The following GRID2IP variants were observed in gnomAD, a reference collection of about 807,000 sequenced individuals.
GRID2IP encodes Grid2 interacting protein, also known as delphilin.
Under a neutral mutation model 114.3 loss-of-function variants are expected in GRID2IP, and 78 were observed. That is an observed-to-expected ratio of 0.68 (90% CI 0.57 to 0.82). GRID2IP has a LOEUF of 0.82. GRID2IP is among the 40% of genes least tolerant of loss of function. The pLI is 0.00. For missense variants in GRID2IP, 1,727 were observed against 1,678.5 expected (o/e 1.03, Z -0.51); for synonymous variants, 809 against 724.0 (o/e 1.12, Z -1.89).
intron 8 of GRID2IP, 107 bp from the exon 9 acceptor site, chr7:6,511,146 C>A: frequency 7.9e-7 from 1 of 1,263,600 alleles, no homozygotes; most frequent in Non-Finnish European, 1.0e-6. Context: ...ATATGCAGAC[C>A]CCAAGCTACG....
rs749451543 is a variant in GRID2IP, at chr7:6,502,129, C to G, written c.3151-11G>C. 1 of 1,550,896 alleles carries G rather than the reference C, an allele frequency of 6.4e-7. No homozygotes were observed. Among genetic ancestry groups the G allele is most frequent in the East Asian group, 2.4e-5 (1 of 40,912 alleles). Reference sequence around the variant, plus strand: ...CTTGGTGGAGTTCAGCTGCAAGTGACCCCCAATATACATTCCCGTCAAGGA... The same window carrying G: ...CTTGGTGGAGTTCAGCTGCAAGTGAGCCCCAATATACATTCCCGTCAAGGA... On this transcript the variant is annotated splice_polypyrimidine_tract_variant and intron_variant, in intron 18 of 21. Coordinates refer to ENST00000457091, the MANE Select transcript of GRID2IP (RefSeq NM_001145118.2).
Position 6,520,736 on chromosome 7 carries a change from G to A in GRID2IP, c.1110C>T (p.Asn370=). Residue 370 remains asparagine (N), a synonymous_variant, in exon 7 of 22, where the codon AAC becomes AAT. Coordinates refer to ENST00000457091, the MANE Select transcript of GRID2IP (RefSeq NM_001145118.2). This position sits in a 1 kb window ranked among gnomAD's most constrained non-coding sequence, Gnocchi z 4.6. ...ASDSDSLDSP[N]PSSALTSLQW... ...GCAGGGAGGTGAGCGCCGACGACGG[G>A]TTGGGTGAGTCCAGAGAATCGGAGT... The A allele has an allele frequency of 6.4e-7, 1 of 1,551,520 alleles. No individual in the cohort carries two copies. Among genetic ancestry groups the A allele is most frequent in the East Asian group, 2.4e-5 (1 of 40,908 alleles).
Position 6,508,469 on chromosome 7 carries a change from T to C in GRID2IP, c.2128-68A>G. On this transcript the variant is annotated intron_variant, in intron 12 of 21. Transcript: ENST00000457091. The surrounding 1 kb of genome is among the most constrained non-coding windows in gnomAD (Gnocchi z 5.6). The stretch of plus-strand genomic sequence containing the variant: ...CAGAGAGACTAGAGCAGGTGCAAAG[T>C]GAAGGATCATGGGATAGCCTGGGAC... The C allele has an allele frequency of 1.3e-6, 2 of 1,543,706 alleles. No homozygotes were observed. The highest frequency in any genetic ancestry group is 8.7e-7 in the Non-Finnish European group (1 of 1,144,210).
chr7:6,502,806 T>G lies in GRID2IP; in HGVS notation c.3130A>C (p.Lys1044Gln), dbSNP rs1196065918. 6.4e-7 allele frequency: 1 copy of G among 1,551,844 alleles called. No individual in the cohort carries two copies. Among genetic ancestry groups the G allele is most frequent in the Non-Finnish European group, 8.7e-7 (1 of 1,146,920 alleles). The change falls in exon 18 of 22, where the codon AAG becomes CAG. Residue 1044 changes from lysine to glutamine, a missense_variant. Transcript: ENST00000457091. ...CTCACCTCTGTCAGAAAGTTGATCT[T>G]GAAGCCCGTAGTCTTGTTGGTTTTG... ...QPKTNKTTGFKINFLTELNST... is the reference protein window; with the variant it reads ...QPKTNKTTGFQINFLTELNST...
intron 18 of GRID2IP, 41 bp from the exon 19 acceptor site, chr7:6,502,159 A>G: frequency 6.5e-7 from 1 of 1,542,614 alleles, no homozygotes; most frequent in South Asian, 1.2e-5. Flanking sequence ...CAAGGACCCC[A>G]TCAGATGGGG....
At chr7:6,541,154 G>A (rs1361556836) in intron 1 of GRID2IP, among the ~76,000 whole-genome samples, 1 of 152,066 alleles carries the variant, frequency 6.6e-6, no homozygotes, top group Non-Finnish European at 1.5e-5. Flanking sequence ...CAAGGTGCTG[G>A]GATTACAGGT....
chr7:6,500,294 T>G (rs1786375812), intron 20 of GRID2IP, among the ~76,000 whole-genome samples: 1 of 151,834 alleles, frequency 6.6e-6, no homozygotes, highest in African/African-American at 2.4e-5. Context: ...AAACCCCATC[T>G]CTACTAAAAA....
chr7:6,510,161 C>T (rs1199569826), intron 11 of GRID2IP, 122 bp downstream of exon 11: 2 of 605,972 alleles, frequency 3.3e-6, no homozygotes, highest in Non-Finnish European at 5.6e-6. Context: ...AGGTGAGGGT[C>T]ACAGGGCCAT....
intron 2 of GRID2IP, among the ~76,000 whole-genome samples, chr7:6,527,593 C>G (rs1779539493): frequency 6.6e-6 from 1 of 152,318 alleles, no homozygotes; most frequent in African/African-American, 2.4e-5. Context: ...TTCTCTGTCT[C>G]TCTCGTTCTC....
intron 21 of GRID2IP, 26 bp downstream of exon 21, chr7:6,498,038 C>A: frequency 6.6e-7 from 1 of 1,518,288 alleles, no homozygotes; most frequent in Non-Finnish European, 8.8e-7. Flanking sequence ...TCCAAAAGGG[C>A]CCCTCAGGGC....
At chr7:6,527,736 C>T (rs538027405) in intron 2 of GRID2IP, among the ~76,000 whole-genome samples, 4 of 151,676 alleles carry the variant, frequency 2.6e-5, no homozygotes, top group African/African-American at 7.2e-5. Context: ...GTAGCTAGGA[C>T]TACAGGCACA....
Position 6,505,882 on chromosome 7 carries a change from T to A in GRID2IP, c.2570A>T (p.Lys857Met). 6.4e-7 allele frequency: 1 copy of A among 1,551,972 alleles called. No individual in the cohort carries two copies. Among genetic ancestry groups the A allele is most frequent in the Non-Finnish European group, 8.7e-7 (1 of 1,146,964 alleles). The change falls in exon 14 of 22, where the codon AAG becomes ATG. Residue 857 changes from lysine to methionine, a missense_variant. Physicochemically the swap from Lys to Met is moderately conservative, Grantham distance 95 (BLOSUM62 -1). Transcript: ENST00000457091. ...GAGGTATTTCACCATGTCACTCAGC[T>A]TATCGTAGTCAGAGTCTTCCCCGAG... is the stretch of plus-strand genomic sequence containing the variant. ...GQLGEDSDYDKLSDMVKYLDL... is the reference protein window; with the variant it reads ...GQLGEDSDYDMLSDMVKYLDL...
At chr7:6,505,001 C>T (rs954799487) in intron 14 of GRID2IP, 131 bp from the exon 15 acceptor site, 7 of 706,078 alleles carry the variant, frequency 9.9e-6, no homozygotes, top group African/African-American at 3.5e-5. Context: ...AGCTACACGT[C>T]CATAGTCCCT....
intron 1 of GRID2IP, among the ~76,000 whole-genome samples, chr7:6,540,269 C>T (rs1779793211): frequency 6.6e-6 from 1 of 151,984 alleles, no homozygotes; most frequent in South Asian, 2.1e-4. Flanking sequence ...TGCGCCACCA[C>T]GCCCGGCTGA....
Position 6,523,569 on chromosome 7 carries a change from A to AT in GRID2IP, c.920-1613dup, listed in dbSNP as rs933655225. ...GGGTTGGGAAGAACAGCAGACCTGG[A>AT]TTTTTTTTTCTTTTTTTGAGACAGG... On this transcript the variant is annotated intron_variant, in intron 4 of 21. Coordinates refer to ENST00000457091, the MANE Select transcript of GRID2IP (RefSeq NM_001145118.2). The surrounding 1 kb of genome is among the most constrained non-coding windows in gnomAD (Gnocchi z 4.5). Among the ~76,000 whole-genome samples the AT allele has an allele frequency of 3.3e-5, 5 of 151,322 alleles. No individual in the cohort carries two copies. Among genetic ancestry groups the AT allele is most frequent in the Admixed American group, 6.6e-5 (1 of 15,144 alleles).
chr7:6,525,271 C>T (rs1424559670), intron 4 of GRID2IP, among the ~76,000 whole-genome samples: 2 of 152,010 alleles, frequency 1.3e-5, no homozygotes, highest in African/African-American at 4.8e-5. Context: ...CATGCCATTG[C>T]ACTCCAGCCT....
rs560241160 is a variant in GRID2IP, at chr7:6,534,680, C to T, written c.584+5038G>A. ...TGGCTAGTGAGACTGAGAAGCTGAACTTTATATTTTATCAAATATTAATTA... is the reference window on the plus strand; with the variant it reads ...TGGCTAGTGAGACTGAGAAGCTGAATTTTATATTTTATCAAATATTAATTA... On this transcript the variant is annotated intron_variant, in intron 2 of 21. Transcript: ENST00000457091. This position sits in a 1 kb window ranked among gnomAD's most constrained non-coding sequence, Gnocchi z 4.5. Among the ~76,000 whole-genome samples the T allele has an allele frequency of 3.9e-5, 6 of 152,164 alleles. No homozygotes were observed. Among genetic ancestry groups the T allele is most frequent in the Admixed American group, 1.3e-4 (2 of 15,268 alleles).
chr7:6,515,820 T>C (rs1321726565), intron 7 of GRID2IP, among the ~76,000 whole-genome samples: 1 of 151,502 alleles, frequency 6.6e-6, no homozygotes, highest in Non-Finnish European at 1.5e-5. Context: ...AAAAATAGGC[T>C]GGGGGTGGTG....
In GRID2IP at chr7:6,508,030, C is replaced by T. The variant is rs1207739453; in HGVS notation, c.2499G>A (p.Leu833=). The part of the protein sequence containing the change: ...SETSHMSVKR[L]RWEQVENSEG... The stretch of plus-strand genomic sequence containing the variant: ...CTGAGTTCTCCACCTGTTCCCACCG[C>T]AAGCGCTTGACGCTCATGTGGCTGG... Residue 833 remains leucine, a synonymous_variant, in exon 13 of 22, where the codon TTG becomes TTA. Coordinates refer to ENST00000457091, the MANE Select transcript of GRID2IP (RefSeq NM_001145118.2). The surrounding 1 kb of genome is among the most constrained non-coding windows in gnomAD (Gnocchi z 5.6). 7 of 1,549,390 alleles carry T rather than the reference C, an allele frequency of 4.5e-6. No individual in the cohort carries two copies. In the East Asian group the frequency reaches 9.8e-5, roughly 22 times the overall value.
Sources: allele counts gnomAD v4.1 joint callset (sites outside exome capture counted in the v4.1 genomes callset), GRCh38; gene constraint gnomAD v4.1.1; non-coding constraint Gnocchi (gnomAD v3.1); transcripts MANE v1.5; gene names NCBI Gene and HGNC (gene_info 2026-07-23, HGNC 2026-07-21).